The following PSTPIP2 variants were observed in gnomAD, a reference collection of about 807,000 sequenced individuals.
The protein encoded by PSTPIP2 is proline-serine-threonine phosphatase-interacting protein 2.
PSTPIP2 carries 33 observed loss-of-function variants against 63.3 expected under a neutral mutation model. The ratio of observed to expected loss-of-function variants is 0.52; its 90% CI spans 0.40 to 0.70. The LOEUF (loss-of-function observed/expected upper bound fraction) is 0.70. Among genes scored for constraint, PSTPIP2 ranks in the 30% least tolerant of loss-of-function variants. PSTPIP2 has a pLI of 0.00. For synonymous variants in PSTPIP2, 125 were observed against 132.7 expected, an observed-to-expected ratio of 0.94 and a Z score of 0.40; for missense variants, 312 against 400.7, an observed-to-expected ratio of 0.78 and a Z score of 1.89.
At chr18:46,000,037 G>T (rs1250148147) in intron 6 of PSTPIP2, among the ~76,000 whole-genome samples, 1 of 152,164 alleles carries the variant, frequency 6.6e-6, no homozygotes, top group Non-Finnish European at 1.5e-5. Flanking sequence ...TACTTGGGAG[G>T]CTGAGCTGGG....
intron 1 of PSTPIP2, among the ~76,000 whole-genome samples, chr18:46,057,253 G>C (rs548199428): frequency 1.3e-5 from 2 of 152,158 alleles, no homozygotes; most frequent in Admixed American, 1.3e-4. Flanking sequence ...AGAAAAGATT[G>C]CTTGGTCACA....
chr18:46,012,890 G>A (rs75997853), intron 4 of PSTPIP2, among the ~76,000 whole-genome samples: 2,572 of 152,012 alleles, frequency 0.017, 73 homozygotes, highest in African/African-American at 0.059. Context: ...AACATATCTG[G>A]CCCCATCCCA....
intron 3 of PSTPIP2, among the ~76,000 whole-genome samples, chr18:46,019,333 T>C (rs548027638): frequency 6.6e-6 from 1 of 152,312 alleles, no homozygotes; most frequent in Admixed American, 6.5e-5. Flanking sequence ...ACCTTACTTT[T>C]CCCACTCTAT....
intron 6 of PSTPIP2, among the ~76,000 whole-genome samples, chr18:46,003,772 G>A (rs1308203500): frequency 2.4e-5 from 2 of 82,818 alleles, no homozygotes; most frequent in Non-Finnish European, 4.5e-5. Flanking sequence ...TTTTTTTTTT[G>A]AGACAGAGTT....
chr18:46,049,008 ATGTGTGTG>A (rs59638072), intron 1 of PSTPIP2, among the ~76,000 whole-genome samples: 12,958 of 136,262 alleles, frequency 0.095, 789 homozygotes, highest in East Asian at 0.32. Context: ...GAAAAAAAGC[ATGTGTGTG>A]TGTGTGTGTG....
At chr18:46,028,906 G>A (rs1468279079) in intron 2 of PSTPIP2, 2 of 1,556,660 alleles carry the variant, frequency 1.3e-6, no homozygotes, top group Non-Finnish European at 1.8e-6. Context: ...TCTTCCAAGA[G>A]GAATCCTGAA....
intron 2 of PSTPIP2, among the ~76,000 whole-genome samples, chr18:46,036,533 T>A (rs916726939): frequency 2.6e-5 from 4 of 152,226 alleles, no homozygotes; most frequent in Non-Finnish European, 4.4e-5. Flanking sequence ...TATTTTTATA[T>A]GTCTACCCTG....
intron 2 of PSTPIP2, chr18:46,028,545 T>G: frequency 1.4e-6 from 1 of 695,554 alleles, no homozygotes; most frequent in Admixed American, 1.8e-5. Flanking sequence ...GCGGGGTCCG[T>G]GGGTTCAAGG....
intron 7 of PSTPIP2, among the ~76,000 whole-genome samples, chr18:45,999,184 GACA>G (rs562818435): frequency 1.4e-3 from 220 of 152,208 alleles, no homozygotes; most frequent in African/African-American, 4.6e-3. Context: ...TAAGAAAAAT[GACA>G]ACAACTGGGA....
chr18:46,003,976 G>A (rs1187957749), intron 6 of PSTPIP2, among the ~76,000 whole-genome samples: 3 of 151,444 alleles, frequency 2.0e-5, no homozygotes, highest in Non-Finnish European at 4.4e-5. Flanking sequence ...ATGTTGGCCA[G>A]GCTGGTCTCG....
chr18:46,044,924 G>T (rs1908330229), intron 1 of PSTPIP2, among the ~76,000 whole-genome samples: 1 of 152,188 alleles, frequency 6.6e-6, no homozygotes, highest in Non-Finnish European at 1.5e-5. Context: ...ACCATCACTG[G>T]CCATCAGAGA....
At chr18:46,019,259 G>A (rs770349316) in intron 3 of PSTPIP2, among the ~76,000 whole-genome samples, 1 of 152,076 alleles carries the variant, frequency 6.6e-6, no homozygotes, top group African/African-American at 2.4e-5. Context: ...ATGTATATAT[G>A]GCAAATTCTA....
chr18:45,994,003 A>C, intron 9 of PSTPIP2: 4 of 365,626 alleles, frequency 1.1e-5, no homozygotes, highest in Non-Finnish European at 1.1e-5. Context: ...ACTATCTAAC[A>C]TCATCTCCAC....
At chr18:46,056,154 T>G (rs1908747677) in intron 1 of PSTPIP2, among the ~76,000 whole-genome samples, 1 of 152,196 alleles carries the variant, frequency 6.6e-6, no homozygotes, top group East Asian at 1.9e-4. Context: ...TGGCTTCGCT[T>G]CTTATGTCCA....
intron 4 of PSTPIP2, among the ~76,000 whole-genome samples, chr18:46,011,512 C>T (rs73438248): frequency 2.7e-4 from 41 of 152,250 alleles, no homozygotes; most frequent in African/African-American, 9.4e-4. Context: ...CCTACCACTA[C>T]TGTTACTAAC....
intron 1 of PSTPIP2, among the ~76,000 whole-genome samples, chr18:46,043,913 T>C (rs1405811167): frequency 1.3e-5 from 2 of 152,076 alleles, no homozygotes; most frequent in Non-Finnish European, 2.9e-5. Flanking sequence ...AGATAAACTA[T>C]ACAGGGATAA....
intron 3 of PSTPIP2, among the ~76,000 whole-genome samples, chr18:46,022,958 C>T (rs1315577642): frequency 6.6e-6 from 1 of 152,112 alleles, no homozygotes; most frequent in Non-Finnish European, 1.5e-5. Context: ...AGATCATGTC[C>T]TTTGCAGGGA....
chr18:46,034,244 T>C (rs1276689874), intron 2 of PSTPIP2, among the ~76,000 whole-genome samples: 1 of 152,138 alleles, frequency 6.6e-6, no homozygotes, highest in African/African-American at 2.4e-5. Flanking sequence ...AATCTACAAA[T>C]GGTAAAGAAT....
chr18:46,007,354 G>A (rs1008014902), intron 5 of PSTPIP2, among the ~76,000 whole-genome samples: 1 of 152,230 alleles, frequency 6.6e-6, no homozygotes, highest in African/African-American at 2.4e-5. Context: ...GTGAAAGTCA[G>A]GTGCCAGGTG....
Sources: allele counts gnomAD v4.1 joint callset (sites outside exome capture counted in the v4.1 genomes callset), GRCh38; gene constraint gnomAD v4.1.1; transcripts MANE v1.5; gene names NCBI Gene and HGNC (gene_info 2026-07-23, HGNC 2026-07-21).